The following PDE1A variants were observed in gnomAD, a reference collection of about 807,000 sequenced individuals.
PDE1A encodes dual specificity calcium/calmodulin-dependent 3',5'-cyclic nucleotide phosphodiesterase 1A.
In PDE1A, 35 loss-of-function variants were observed where a neutral mutation model predicts 61.7. The ratio of observed to expected loss-of-function variants is 0.57; its 90% CI spans 0.43 to 0.75. PDE1A has a LOEUF of 0.75. Ranked by LOEUF, PDE1A falls within the 30% of genes least tolerant of loss-of-function variation. PDE1A has a pLI of 0.00. For synonymous variants in PDE1A, 232 were observed against 213.2 expected, an observed-to-expected ratio of 1.09 and a Z score of -0.77; for missense variants, 597 against 630.6, an observed-to-expected ratio of 0.95 and a Z score of 0.57.
chr2:182,231,750 CA>C lies in PDE1A; in HGVS notation c.418-620del, dbSNP rs532591180. ...CCAACATAGTGAAACCCCATCTCTA[CA>C]AAAAAATACAAAAATTAGCCAGGTG... On this transcript the variant is annotated intron_variant, in intron 4 of 13. Coordinates refer to ENST00000351439, the Ensembl canonical transcript of PDE1A. Among the ~76,000 whole-genome samples the C allele has an allele frequency of 2.0e-5, 3 of 151,786 alleles. No individual in the cohort carries two copies. In the South Asian group the frequency reaches 6.3e-4, roughly 32 times the overall value.
At chr2:182,419,464 T>C (rs151315175) in intron 1 of PDE1A, among the ~76,000 whole-genome samples, 37 of 151,930 alleles carry the variant, frequency 2.4e-4, no homozygotes, top group African/African-American at 8.7e-4. Context: ...GCCTCCCGAG[T>C]AGCTAGGACT....
At chr2:182,645,418 T>C in the PDE1A span, among the ~76,000 whole-genome samples, 1 of 152,256 alleles carries the variant, frequency 6.6e-6, no homozygotes, top group Non-Finnish European at 1.5e-5. Context: ...ACTGGCAATC[T>C]ATCTTTTTTC....
chr2:182,238,277 A>AAAAAAAAG (rs1199781414), intron 3 of PDE1A, among the ~76,000 whole-genome samples: 4 of 150,696 alleles, frequency 2.7e-5, no homozygotes, highest in Admixed American at 6.6e-5. Flanking sequence ...AAAAAAAAAA[A>AAAAAAAAG]AAAAAGAAAA....
chr2:182,565,353 G>A, the PDE1A span, among the ~76,000 whole-genome samples: 1 of 152,174 alleles, frequency 6.6e-6, no homozygotes, highest in Non-Finnish European at 1.5e-5. Flanking sequence ...CAGCAGCGGT[G>A]GCTGCAGAAC....
At chr2:182,218,925 T>C (rs559746193) in intron 7 of PDE1A, among the ~76,000 whole-genome samples, 2 of 152,222 alleles carry the variant, frequency 1.3e-5, no homozygotes, top group South Asian at 2.1e-4. Context: ...ACTCTAGATA[T>C]ATCAAAGTGA....
At chr2:182,540,973 A>G in the PDE1A span, among the ~76,000 whole-genome samples, 1 of 152,110 alleles carries the variant, frequency 6.6e-6, no homozygotes, top group Non-Finnish European at 1.5e-5. Context: ...TGCTTTCCCT[A>G]TTACCATTAG....
chr2:182,707,583 A>T, the PDE1A span, among the ~76,000 whole-genome samples: 1 of 152,252 alleles, frequency 6.6e-6, no homozygotes, highest in South Asian at 2.1e-4. Context: ...ACACTCAAAA[A>T]GAAATAGAAA....
chr2:182,549,976 A>G, the PDE1A span, among the ~76,000 whole-genome samples: 4 of 152,062 alleles, frequency 2.6e-5, no homozygotes, highest in Non-Finnish European at 5.9e-5. Flanking sequence ...CGACATTTTT[A>G]TTTTCACCTT....
chr2:182,431,563 G>A (rs1048017970), upstream of PDE1A, among the ~76,000 whole-genome samples: 1 of 152,028 alleles, frequency 6.6e-6, no homozygotes, highest in African/African-American at 2.4e-5. Flanking sequence ...AATCATTTTC[G>A]AGATAACTTA....
chr2:182,406,111 T>C (rs1702282205), intron 1 of PDE1A, among the ~76,000 whole-genome samples: 1 of 152,106 alleles, frequency 6.6e-6, no homozygotes, highest in South Asian at 2.1e-4. Context: ...TTAAGCACTT[T>C]CTATATAGTA....
intron 1 of PDE1A, among the ~76,000 whole-genome samples, chr2:182,277,112 C>G (rs1693473743): frequency 6.6e-6 from 1 of 152,068 alleles, no homozygotes; most frequent in African/African-American, 2.4e-5. Context: ...CCTGTTTCCT[C>G]AGAAGCATGT....
At chr2:182,479,624 A>G (rs1019705418) in intron 2 of PDE1A, among the ~76,000 whole-genome samples, 1 of 151,844 alleles carries the variant, frequency 6.6e-6, no homozygotes, top group African/African-American at 2.4e-5. Flanking sequence ...TAATGTGCAG[A>G]TTGTGACAAC....
chr2:182,509,259 T>C (rs1284442204), intron 2 of PDE1A, among the ~76,000 whole-genome samples: 2 of 152,174 alleles, frequency 1.3e-5, no homozygotes, highest in Admixed American at 1.3e-4. Flanking sequence ...TTAGCTAGAA[T>C]CATTGTTTAA....
intron 2 of PDE1A, among the ~76,000 whole-genome samples, chr2:182,256,366 G>A (rs900779366): frequency 1.3e-5 from 2 of 150,984 alleles, no homozygotes; most frequent in African/African-American, 4.9e-5. Context: ...ATAGTTTACT[G>A]AGAATGATGG....
chr2:182,145,958 T>A (rs1025275151), downstream of PDE1A, among the ~76,000 whole-genome samples: 3 of 152,090 alleles, frequency 2.0e-5, no homozygotes, highest in South Asian at 4.1e-4. Flanking sequence ...AATAATAACA[T>A]CTCTAAGGTT....
intron 1 of PDE1A, among the ~76,000 whole-genome samples, chr2:182,380,203 T>TGGGTTCAC (rs1700649248): frequency 6.8e-6 from 1 of 146,382 alleles, no homozygotes; most frequent in Admixed American, 7.1e-5. Flanking sequence ...CTCCGCCTCC[T>TGGGTTCAC]GGGTTCACAC....
chr2:182,479,234 T>C lies in PDE1A; in HGVS notation c.101+43042A>G, dbSNP rs535590951. On this transcript the variant is annotated intron_variant, in intron 2 of 14. Coordinates refer to the PDE1A transcript ENST00000410103. ...TCAGGAAAAGTGAACTTTACTTCTATAAAAATCAGCAATTGTAGGCATCTT... is the reference window on the plus strand; with the variant it reads ...TCAGGAAAAGTGAACTTTACTTCTACAAAAATCAGCAATTGTAGGCATCTT... Among the ~76,000 whole-genome samples the C allele has an allele frequency of 1.7e-3, 256 of 152,012 alleles. 1 individual carries two copies. The highest frequency in any genetic ancestry group is 6.0e-3 in the African/African-American group (248 of 41,518).
chr2:182,394,571 G>A (rs1467452553), intron 1 of PDE1A, among the ~76,000 whole-genome samples: 4 of 11,264 alleles, frequency 3.6e-4, no homozygotes, highest in African/African-American at 5.3e-4. Flanking sequence ...ACACTGGCTC[G>A]AGCTGACATT....
intron 1 of PDE1A, among the ~76,000 whole-genome samples, chr2:182,400,561 C>G (rs1035287978): frequency 6.6e-6 from 1 of 152,132 alleles, no homozygotes; most frequent in Non-Finnish European, 1.5e-5. Context: ...CCCTAATTAG[C>G]CCTCCAGAGG....
Sources: gnomAD v4.1 joint callset for allele counts (sites outside exome capture counted in the v4.1 genomes callset) on GRCh38, gnomAD v4.1.1 for gene constraint, MANE v1.5 for transcripts, NCBI Gene and HGNC (gene_info 2026-07-23, HGNC 2026-07-21) for gene names.